Variants in FAAH2 observed in about 807,000 individuals in gnomAD.
FAAH2 encodes the protein fatty-acid amide hydrolase 2.
A neutral mutation model predicts 36.9 loss-of-function variants in FAAH2; 60 were observed. The ratio of observed to expected loss-of-function variants is 1.63; its 90% CI spans 1.32 to 2.02. The LOEUF (loss-of-function observed/expected upper bound fraction) is 2.02, where lower values mean the gene tolerates loss of function less well. Ranked by LOEUF, FAAH2 falls within the 30% of genes most tolerant of loss-of-function variation. The pLI is 0.00. For missense variants in FAAH2, 689 were observed against 397.5 expected (o/e 1.73, Z -6.23); for synonymous variants, 214 against 143.8 (o/e 1.49, Z -3.49).
chrX:57,174,251 A>T, the FAAH2 span, among the ~76,000 whole-genome samples: 13 of 105,649 alleles, frequency 1.2e-4, no homozygotes, highest in African/African-American at 4.1e-4. Context: ...TTTTTTAATT[A>T]TGAATTCAGT....
At chrX:57,395,598 G>A (rs2055275052) in intron 7 of FAAH2, among the ~76,000 whole-genome samples, 2 of 111,997 alleles carry the variant, frequency 1.8e-5, no homozygotes, top group South Asian at 3.7e-4. Flanking sequence ...ATTTTATCAA[G>A]TCGTTTTTCT....
chrX:57,154,067 CT>C, the FAAH2 span, among the ~76,000 whole-genome samples: 3 of 111,680 alleles, frequency 2.7e-5, no homozygotes, highest in Non-Finnish European at 1.9e-5. Flanking sequence ...AATTTTTCTT[CT>C]TTGTCCTTGT....
At chrX:57,175,975 T>A in the FAAH2 span, among the ~76,000 whole-genome samples, 6 of 111,968 alleles carry the variant, frequency 5.4e-5, no homozygotes, top group African/African-American at 1.9e-4. Context: ...ATAAGTTATC[T>A]GATGCTTTTG....
At chrX:57,211,934 G>C in the FAAH2 span, among the ~76,000 whole-genome samples, 1 of 111,774 alleles carries the variant, frequency 8.9e-6, no homozygotes, top group Non-Finnish European at 1.9e-5. Context: ...CCCCAACAAA[G>C]GTAAATTTAA....
At chrX:57,328,063 G>A (rs962706301) in intron 3 of FAAH2, among the ~76,000 whole-genome samples, 5 of 112,188 alleles carry the variant, frequency 4.5e-5, no homozygotes, top group Non-Finnish European at 9.4e-5. Context: ...TAACGGTCAG[G>A]ACCTTCAGCT....
At position 57,286,925 on chromosome X, in the gene FAAH2, C is replaced by T. The variant is rs2051824379; in HGVS notation, c.100C>T (p.Pro34Ser). 8.3e-7 allele frequency: 1 copy of T among 1,206,799 alleles called. No homozygotes were observed. The highest frequency in any genetic ancestry group is 1.1e-6 in the Non-Finnish European group (1 of 893,412). The part of the protein sequence containing the change: ...VGRAALVLGG[P>S]KFASKTPRPV... Reference sequence around the variant, plus strand: ...CCGAGCAGCTTTAGTCTTAGGGGGTCCAAAGTTTGCCTCAAAGACCCCTCG... The same window carrying T: ...CCGAGCAGCTTTAGTCTTAGGGGGTTCAAAGTTTGCCTCAAAGACCCCTCG... The change falls in exon 1 of 11, where the codon CCA becomes TCA. Residue 34 changes from proline to serine, a missense_variant. By Grantham distance (74) the Pro-to-Ser change is moderately conservative. Coordinates refer to ENST00000374900, the MANE Select transcript of FAAH2 (RefSeq NM_174912.4).
chrX:57,448,793 T>C, intron 10 of FAAH2, 75 bp downstream of exon 10: 2 of 1,033,658 alleles, frequency 1.9e-6, no homozygotes, highest in Non-Finnish European at 2.7e-6. Context: ...AGCATAATTT[T>C]CTTTTGCAGT....
chrX:57,385,181 A>G (rs1407928492), intron 7 of FAAH2, among the ~76,000 whole-genome samples: 1 of 109,068 alleles, frequency 9.2e-6, no homozygotes, highest in Admixed American at 9.9e-5. Flanking sequence ...CCTAATGTGA[A>G]TGATGAGTTA....
the FAAH2 span, among the ~76,000 whole-genome samples, chrX:57,206,210 A>G: frequency 3.6e-5 from 4 of 112,262 alleles, 1 homozygote; most frequent in African/African-American, 1.3e-4. Flanking sequence ...TAGAAAATAG[A>G]TTACTCACAG....
the FAAH2 span, among the ~76,000 whole-genome samples, chrX:57,246,473 A>G: frequency 1.8e-5 from 2 of 111,788 alleles, no homozygotes; most frequent in Non-Finnish European, 3.8e-5. Flanking sequence ...AATTCTCAAT[A>G]AAATACTAGC....
the FAAH2 span, among the ~76,000 whole-genome samples, chrX:57,203,197 G>A: frequency 8.9e-6 from 1 of 112,241 alleles, no homozygotes; most frequent in Non-Finnish European, 1.9e-5. Flanking sequence ...GATAAGCATT[G>A]TTTCTATAGA....
intron 10 of FAAH2, among the ~76,000 whole-genome samples, chrX:57,466,304 G>A (rs1569364222): frequency 9.4e-6 from 1 of 106,115 alleles, no homozygotes; most frequent in Non-Finnish European, 1.9e-5. Context: ...GAGTTAAGAT[G>A]GCTGTTTTAA....
At chrX:57,371,636 T>TG (rs1457913359) in intron 5 of FAAH2, among the ~76,000 whole-genome samples, 10 of 64,267 alleles carry the variant, frequency 1.6e-4, no homozygotes, top group Admixed American at 3.2e-4. Flanking sequence ...GTTCTATTTT[T>TG]TGGGGGGGGG....
chrX:57,438,383 TTA>T (rs368869592), intron 8 of FAAH2, among the ~76,000 whole-genome samples: 4 of 92,088 alleles, frequency 4.3e-5, no homozygotes, highest in Non-Finnish European at 2.2e-5. Flanking sequence ...ATATACAAAA[TTA>T]TATATATATA....
chrX:57,218,410 C>G, the FAAH2 span, among the ~76,000 whole-genome samples: 1 of 111,731 alleles, frequency 9.0e-6, no homozygotes, highest in East Asian at 2.8e-4. Context: ...TAATCTAAAG[C>G]GATGCTGGAT....
At chrX:57,302,960 G>A (rs1053072199) in intron 2 of FAAH2, among the ~76,000 whole-genome samples, 2 of 111,082 alleles carry the variant, frequency 1.8e-5, no homozygotes, top group Admixed American at 9.6e-5. Context: ...TGCCACTGAG[G>A]CCACATGTAA....
the FAAH2 span, among the ~76,000 whole-genome samples, chrX:57,186,491 A>T: frequency 2.7e-5 from 3 of 111,575 alleles, no homozygotes; most frequent in Non-Finnish European, 5.7e-5. Context: ...AATTGCAAAA[A>T]TTTTCTCCTA....
intron 7 of FAAH2, among the ~76,000 whole-genome samples, chrX:57,409,995 C>G (rs1415701841): frequency 9.1e-6 from 1 of 110,451 alleles, no homozygotes; most frequent in East Asian, 2.8e-4. Flanking sequence ...TTCTTGTATC[C>G]TAATGTAGGT....
the FAAH2 span, among the ~76,000 whole-genome samples, chrX:57,165,983 T>A: frequency 1.8e-5 from 2 of 110,768 alleles, no homozygotes; most frequent in Non-Finnish European, 3.8e-5. Context: ...AATGGCTGGA[T>A]GTTGAGAGGA....
Sources: allele counts gnomAD v4.1 joint callset (sites outside exome capture counted in the v4.1 genomes callset), GRCh38; gene constraint gnomAD v4.1.1; transcripts MANE v1.5; gene names NCBI Gene and HGNC (gene_info 2026-07-23, HGNC 2026-07-21).